NFIA: variants seen among roughly 807,000 people sequenced by gnomAD.
The protein encoded by NFIA is nuclear factor I A.
NFIA carries 8 observed loss-of-function variants against 62.8 expected under a neutral mutation model. The observed-to-expected ratio is 0.13, with a 90% CI of 0.07 to 0.23. The LOEUF is 0.23. Ranked by LOEUF, NFIA falls within the 10% of genes least tolerant of loss-of-function variation. The pLI, the probability that NFIA is intolerant of heterozygous loss-of-function variation, is 1.00. For synonymous variants in NFIA, 235 were observed against 238.1 expected (o/e 0.99, Z 0.12); for missense variants, 410 against 642.1 (o/e 0.64, Z 3.91).
chr1:61,453,027 A>G (rs1668130443), intron 10 of NFIA, among the ~76,000 whole-genome samples: 1 of 152,210 alleles, frequency 6.6e-6, no homozygotes, highest in Admixed American at 6.5e-5. Context: ...GCAGAGTGAA[A>G]CACAATAATT....
chr1:61,282,745 T>C (rs996306618), intron 3 of NFIA, among the ~76,000 whole-genome samples: 2 of 152,222 alleles, frequency 1.3e-5, no homozygotes, highest in African/African-American at 4.8e-5. Context: ...CAGAAAGTAA[T>C]GCTATCTTCA....
At chr1:61,398,367 T>C in intron 7 of NFIA, among the ~76,000 whole-genome samples, 1 of 152,232 alleles carries the variant, frequency 6.6e-6, no homozygotes, top group East Asian at 1.9e-4. Context: ...ACTTTGGCCT[T>C]CTGTTTTCTT....
intron 2 of NFIA, among the ~76,000 whole-genome samples, chr1:61,262,897 T>C (rs1466948905): frequency 6.6e-6 from 1 of 152,222 alleles, no homozygotes; most frequent in Non-Finnish European, 1.5e-5. Context: ...TCTGCTGTGT[T>C]GTTCCATCCA....
chr1:61,440,634 T>C (rs1667532093), intron 10 of NFIA, among the ~76,000 whole-genome samples: 1 of 152,112 alleles, frequency 6.6e-6, no homozygotes, highest in Non-Finnish European at 1.5e-5. Flanking sequence ...TTTTTTTTTC[T>C]CTTTCAGATT....
At chr1:61,219,928 A>T (rs1418878056) in intron 2 of NFIA, among the ~76,000 whole-genome samples, 2 of 151,984 alleles carry the variant, frequency 1.3e-5, no homozygotes, top group Non-Finnish European at 2.9e-5. Flanking sequence ...GCGCCACTGC[A>T]CTCCAGCCTG....
chr1:61,442,832 A>G (rs1667647175), intron 10 of NFIA, among the ~76,000 whole-genome samples: 1 of 152,212 alleles, frequency 6.6e-6, no homozygotes, highest in Non-Finnish European at 1.5e-5. Flanking sequence ...GAGAAACTTA[A>G]GATTGTAAGC....
chr1:61,402,204 AT>A (rs1233122092), intron 7 of NFIA, among the ~76,000 whole-genome samples: 1 of 150,966 alleles, frequency 6.6e-6, no homozygotes, highest in Non-Finnish European at 1.5e-5. Context: ...CACCTGGCTA[AT>A]TTTTTTGTAT....
At chr1:61,322,791 A>G (rs1660742217) in intron 3 of NFIA, among the ~76,000 whole-genome samples, 1 of 152,240 alleles carries the variant, frequency 6.6e-6, no homozygotes, top group South Asian at 2.1e-4. Context: ...ATCTTGCTGT[A>G]AATATCTGCC....
At chr1:61,446,520 C>G (rs1281530048) in intron 10 of NFIA, among the ~76,000 whole-genome samples, 1 of 152,040 alleles carries the variant, frequency 6.6e-6, no homozygotes, top group Non-Finnish European at 1.5e-5. Context: ...GAACAGTGGA[C>G]AGGGGAGAAT....
intron 9 of NFIA, among the ~76,000 whole-genome samples, chr1:61,417,867 C>G (rs778010112): frequency 1.3e-5 from 2 of 152,024 alleles, no homozygotes; most frequent in Non-Finnish European, 2.9e-5. Context: ...TTGGACTGTT[C>G]CTGTGAAGAG....
At chr1:61,200,293 T>C (rs977413372) in intron 2 of NFIA, among the ~76,000 whole-genome samples, 2 of 151,628 alleles carry the variant, frequency 1.3e-5, no homozygotes, top group Non-Finnish European at 2.9e-5. Flanking sequence ...CTCATCTGTA[T>C]GGGATAATAA....
intron 2 of NFIA, among the ~76,000 whole-genome samples, chr1:61,102,469 A>G (rs1244425027): frequency 6.6e-6 from 1 of 152,134 alleles, no homozygotes; most frequent in African/African-American, 2.4e-5. Context: ...TGTTTTTGCT[A>G]CTAAATCTTT....
chr1:61,119,838 A>G (rs184164791), intron 2 of NFIA, among the ~76,000 whole-genome samples: 28 of 152,282 alleles, frequency 1.8e-4, no homozygotes, highest in Admixed American at 1.6e-3. Flanking sequence ...GTGAGTAGAT[A>G]TTTGTATTTA....
chr1:61,210,848 ACTT>A (rs769964092), intron 2 of NFIA, among the ~76,000 whole-genome samples: 16 of 152,290 alleles, frequency 1.1e-4, no homozygotes, highest in Non-Finnish European at 2.2e-4. Context: ...ACTCAGGTGG[ACTT>A]CTTTACTGAA....
Position 61,455,634 on chromosome 1 carries a change from AGCGG to A in NFIA, c.*315_*318del, listed in dbSNP as rs1250414427. On this transcript the variant is annotated 3_prime_UTR_variant, in exon 11 of 11. Coordinates refer to ENST00000403491, the MANE Select transcript of NFIA (RefSeq NM_001134673.4). ...AGCGTGAGCATTAGGTGACGTGGCT[AGCGG>A]AGGACTACCCTTGCTCACTGACTTC... is the stretch of plus-strand genomic sequence containing the variant. 3.9e-5 allele frequency: 17 copies of A among 439,808 alleles called. No individual in the cohort carries two copies. The highest frequency in any genetic ancestry group is 2.2e-4 in the African/African-American group (11 of 48,908). 27.2% of individuals were successfully genotyped at this position (439,808 alleles called of 1,614,324 possible). A position where few individuals can be genotyped will look rare whatever the true frequency, so the allele number is the denominator to read the frequency against.
intron 3 of NFIA, among the ~76,000 whole-genome samples, chr1:61,302,834 A>G (rs891093530): frequency 6.6e-6 from 1 of 152,194 alleles, no homozygotes; most frequent in African/African-American, 2.4e-5. Flanking sequence ...TATGTTTATA[A>G]TTCCTTTGTT....
intron 2 of NFIA, among the ~76,000 whole-genome samples, chr1:61,106,320 G>C (rs1646599645): frequency 6.6e-6 from 1 of 151,688 alleles, no homozygotes; most frequent in East Asian, 1.9e-4. Context: ...AATATTAAAA[G>C]ACTGGATAAT....
intron 2 of NFIA, chr1:61,249,161 G>A (rs1160458869): frequency 1.3e-5 from 2 of 152,120 alleles, no homozygotes; most frequent in Non-Finnish European, 2.9e-5. Context: ...TCAGTATCAA[G>A]TGTAGTGTAA....
At chr1:61,374,458 G>A (rs1664051767) in intron 6 of NFIA, among the ~76,000 whole-genome samples, 3 of 152,218 alleles carry the variant, frequency 2.0e-5, no homozygotes, top group Admixed American at 2.0e-4. Flanking sequence ...TACCTTGAAA[G>A]GAGAGGAAAT....
Sources: gnomAD v4.1 joint callset for allele counts (sites outside exome capture counted in the v4.1 genomes callset) on GRCh38, gnomAD v4.1.1 for gene constraint, MANE v1.5 for transcripts, NCBI Gene and HGNC (gene_info 2026-07-23, HGNC 2026-07-21) for gene names.